CSMD3: variants seen among roughly 807,000 people sequenced by gnomAD.
CSMD3 encodes CUB and Sushi multiple domains 3.
In CSMD3, 177 loss-of-function variants were observed where a neutral mutation model predicts 435.2. That is an observed-to-expected ratio of 0.41 (90% confidence interval 0.36 to 0.46). The LOEUF (loss-of-function observed/expected upper bound fraction) is 0.46, where lower values mean the gene tolerates loss of function less well. Among genes scored for constraint, CSMD3 ranks in the 20% least tolerant of loss-of-function variants. The pLI, the probability that CSMD3 is intolerant of heterozygous loss-of-function variation, is 0.34. For missense variants in CSMD3, 4,265 were observed against 4,504.6 expected (o/e 0.95, Z 1.52); for synonymous variants, 1,656 against 1,520.5 (o/e 1.09, Z -2.07).
intron 2 of CSMD3, among the ~76,000 whole-genome samples, chr8:113,296,833 C>CAA (rs1563665603): frequency 1.1e-4 from 16 of 152,166 alleles, no homozygotes; most frequent in African/African-American, 3.6e-4. Context: ...AAATAGTTGC[C>CAA]CCATCACGAA....
chr8:112,785,607 T>C (rs773499233), intron 13 of CSMD3, among the ~76,000 whole-genome samples: 19 of 152,082 alleles, frequency 1.2e-4, no homozygotes, highest in Non-Finnish European at 2.8e-4. Flanking sequence ...AGCATTTCTA[T>C]CTGCCAACAA....
chr8:112,446,902 T>C (rs1308998455), intron 32 of CSMD3, among the ~76,000 whole-genome samples: 1 of 152,188 alleles, frequency 6.6e-6, no homozygotes, highest in Admixed American at 6.6e-5. Context: ...ATCATTTGGC[T>C]GCTACTTCTT....
chr8:113,101,461 TTAA>T (rs1288893740), intron 4 of CSMD3, among the ~76,000 whole-genome samples: 1 of 152,016 alleles, frequency 6.6e-6, no homozygotes, highest in Non-Finnish European at 1.5e-5. Context: ...ATCCATCATT[TTAA>T]TAATAATAAT....
intron 3 of CSMD3, among the ~76,000 whole-genome samples, chr8:113,257,402 C>A (rs111289659): frequency 2.0e-5 from 3 of 152,116 alleles, no homozygotes; most frequent in South Asian, 2.1e-4. Flanking sequence ...CAGGGCAAGA[C>A]TCTGTCTCAA....
chr8:112,936,056 C>T (rs1314831348), intron 9 of CSMD3, among the ~76,000 whole-genome samples: 1 of 152,042 alleles, frequency 6.6e-6, no homozygotes, highest in Non-Finnish European at 1.5e-5. Flanking sequence ...AGAGTAGTTA[C>T]TAGTTTTACA....
At chr8:112,391,902 C>T (rs1402925623) in intron 35 of CSMD3, among the ~76,000 whole-genome samples, 2 of 152,138 alleles carry the variant, frequency 1.3e-5, no homozygotes, top group African/African-American at 4.8e-5. Flanking sequence ...GTAAAATTCT[C>T]ATGCCATTAA....
At chr8:113,253,890 C>T (rs2093357289) in intron 3 of CSMD3, among the ~76,000 whole-genome samples, 1 of 151,628 alleles carries the variant, frequency 6.6e-6, no homozygotes, top group African/African-American at 2.4e-5. Context: ...CTCGCTGTGA[C>T]AGTTTATGTG....
intron 1 of CSMD3, among the ~76,000 whole-genome samples, chr8:113,326,280 C>A (rs981309284): frequency 6.6e-6 from 1 of 152,110 alleles, no homozygotes; most frequent in African/African-American, 2.4e-5. Context: ...GATTACAAAT[C>A]TTGCTAGACC....
chr8:112,982,620 T>A (rs1187433372), intron 6 of CSMD3, among the ~76,000 whole-genome samples: 1 of 151,972 alleles, frequency 6.6e-6, no homozygotes, highest in Non-Finnish European at 1.5e-5. Context: ...AGATGTCATG[T>A]CAGAAGCACC....
intron 45 of CSMD3, among the ~76,000 whole-genome samples, chr8:112,326,020 T>G (rs1434912550): frequency 2.0e-5 from 3 of 152,156 alleles, no homozygotes; most frequent in Non-Finnish European, 1.5e-5. Context: ...CTTCAAGATA[T>G]TTGACATTCA....
At chr8:112,996,616 A>G (rs1293121852) in intron 6 of CSMD3, among the ~76,000 whole-genome samples, 1 of 151,662 alleles carries the variant, frequency 6.6e-6, no homozygotes, top group Non-Finnish European at 1.5e-5. Context: ...TCACTTAGAT[A>G]TTTTGAAGAG....
At chr8:113,077,475 G>C (rs550602643) in intron 5 of CSMD3, among the ~76,000 whole-genome samples, 1 of 152,278 alleles carries the variant, frequency 6.6e-6, no homozygotes, top group South Asian at 2.1e-4. Context: ...GCCGAAACGG[G>C]TGGATCACCT....
chr8:113,391,987 C>T (rs111952743), intron 1 of CSMD3, among the ~76,000 whole-genome samples: 5 of 152,016 alleles, frequency 3.3e-5, no homozygotes, highest in African/African-American at 9.6e-5. Flanking sequence ...ATGTTATCCC[C>T]ACATCTCACC....
At chr8:112,340,629 G>T (rs1184942900) in intron 42 of CSMD3, among the ~76,000 whole-genome samples, 1 of 151,922 alleles carries the variant, frequency 6.6e-6, no homozygotes, top group Admixed American at 6.6e-5. Context: ...AAAAATTTCA[G>T]CCATTAGAAA....
chr8:112,376,413 G>C (rs1828945471), intron 38 of CSMD3, among the ~76,000 whole-genome samples: 1 of 152,062 alleles, frequency 6.6e-6, no homozygotes. Flanking sequence ...TCTGAAGTTA[G>C]CAATAACTGA....
chr8:112,968,320 T>G (rs1481299186), intron 7 of CSMD3, among the ~76,000 whole-genome samples: 2 of 151,906 alleles, frequency 1.3e-5, no homozygotes, highest in Admixed American at 6.6e-5. Context: ...CATAGACTTT[T>G]GGGATTAAAA....
At chr8:112,299,192 TGGA>T (rs139032573) in intron 53 of CSMD3, among the ~76,000 whole-genome samples, 5,145 of 152,154 alleles carry the variant, frequency 0.034, 136 homozygotes, top group Middle Eastern at 0.11. Flanking sequence ...CCTCAGGTTA[TGGA>T]GGAGGAGAGT....
intron 13 of CSMD3, among the ~76,000 whole-genome samples, chr8:112,726,963 G>T (rs1248565602): frequency 6.6e-6 from 1 of 151,600 alleles, no homozygotes; most frequent in African/African-American, 2.4e-5. Context: ...TCTCAATATA[G>T]TTCATGACCA....
At chr8:113,038,429 T>C (rs1564240627) in intron 5 of CSMD3, among the ~76,000 whole-genome samples, 1 of 152,136 alleles carries the variant, frequency 6.6e-6, no homozygotes, top group Non-Finnish European at 1.5e-5. Flanking sequence ...ATAAAACAGA[T>C]ACAGAGTCAG....
Sources: gnomAD v4.1 joint callset for allele counts (sites outside exome capture counted in the v4.1 genomes callset) on GRCh38, gnomAD v4.1.1 for gene constraint, MANE v1.5 for transcripts, NCBI Gene and HGNC (gene_info 2026-07-23, HGNC 2026-07-21) for gene names.